PRR14L: variants seen among roughly 807,000 people sequenced by gnomAD.
PRR14L encodes proline rich 14 like.
PRR14L carries 80 observed loss-of-function variants against 155.0 expected under a neutral mutation model. The ratio of observed to expected loss-of-function variants is 0.52; its 90% confidence interval spans 0.43 to 0.62. PRR14L has a LOEUF of 0.62. Among genes scored for constraint, PRR14L ranks in the 20% least tolerant of loss-of-function variants. The pLI, the probability that PRR14L is intolerant of heterozygous loss-of-function variation, is 0.00. For synonymous variants in PRR14L, 883 were observed against 916.0 expected, an observed-to-expected ratio of 0.96 and a Z score of 0.65; for missense variants, 2,469 against 2,548.0, an observed-to-expected ratio of 0.97 and a Z score of 0.67.
intron 4 of PRR14L, among the ~76,000 whole-genome samples, chr22:31,706,529 A>G (rs2074593215): frequency 1.3e-5 from 2 of 150,022 alleles, no homozygotes; most frequent in Admixed American, 1.4e-4. Context: ...GGTTCAAGGA[A>G]TTCTCCTGCC....
chr22:31,743,674 C>T (rs1163267912), intron 1 of PRR14L, among the ~76,000 whole-genome samples: 2 of 151,654 alleles, frequency 1.3e-5, no homozygotes, highest in African/African-American at 4.8e-5. Flanking sequence ...TGTTGGCGAA[C>T]GCCTGTAATC....
chr22:31,717,926 ATT>A (rs531724278), intron 3 of PRR14L, among the ~76,000 whole-genome samples: 19 of 134,454 alleles, frequency 1.4e-4, no homozygotes, highest in Admixed American at 3.0e-4. Flanking sequence ...CCCCCAGCTA[ATT>A]TTTTTTTTTT....
chr22:31,685,549 T>C lies in PRR14L; in HGVS notation c.6434A>G (p.Gln2145Arg), dbSNP rs1430879628. Residue 2145 changes from glutamine to arginine, a missense_variant, in exon 9 of 9, where the codon CAG becomes CGG. By Grantham distance (43) the Gln-to-Arg change is conservative (BLOSUM62 1). Transcript: ENST00000327423. ...TTCTCAACAGCCTGATGATTGTTCC[T>C]GCTCCTCTTCCTTGGCAAAGAAGGT... ...LETFFAKEEE[Q>R]EQSSGC 6.4e-7 allele frequency: 1 copy of C among 1,551,600 alleles called. No homozygotes were observed. The highest frequency in any genetic ancestry group is 2.4e-5 in the East Asian group (1 of 40,908).
intron 1 of PRR14L, among the ~76,000 whole-genome samples, chr22:31,748,086 C>T (rs942868294): frequency 1.3e-5 from 2 of 152,108 alleles, no homozygotes; most frequent in African/African-American, 4.8e-5. Flanking sequence ...GTTAATAACA[C>T]TAGGCGCTGC....
At chr22:31,740,932 A>G (rs2074809573) in intron 1 of PRR14L, among the ~76,000 whole-genome samples, 1 of 151,816 alleles carries the variant, frequency 6.6e-6, no homozygotes. Context: ...ACTTGAGGTC[A>G]GGAGTTCGAG....
In PRR14L at chr22:31,725,479, G is replaced by A. The variant is rs892762200; in HGVS notation, c.547+59C>T. On this transcript the variant is annotated intron_variant, in intron 3 of 8. Transcript: ENST00000327423. ...ATATTCTCAATGCAAAATGGAAGCGGAACTAAAACAGTATTTGCAGTAAGT... is the reference window on the plus strand; with the variant it reads ...ATATTCTCAATGCAAAATGGAAGCGAAACTAAAACAGTATTTGCAGTAAGT... 1.4e-5 allele frequency: 16 copies of A among 1,144,384 alleles called. No individual in the cohort carries two copies. In the African/African-American group the frequency reaches 2.0e-4, roughly 14 times the overall value. The allele number at this position is 1,144,384 out of a possible 1,614,324, so 70.9% of individuals were successfully genotyped here. A position where few individuals can be genotyped will look rare whatever the true frequency, so the allele number is the denominator to read the frequency against.
chr22:31,697,882 C>CTA (rs57299136), intron 7 of PRR14L, among the ~76,000 whole-genome samples: 14,981 of 151,894 alleles, frequency 0.099, 880 homozygotes, highest in African/African-American at 0.16. Context: ...CAAACTGTAA[C>CTA]TATATATATA....
chr22:31,740,717 T>C (rs1463357850), intron 1 of PRR14L, among the ~76,000 whole-genome samples: 3 of 152,158 alleles, frequency 2.0e-5, no homozygotes, highest in Admixed American at 2.0e-4. Flanking sequence ...AAAGATGAAT[T>C]TTAACGAACC....
At chr22:31,729,483 C>T (rs2074736143) in intron 2 of PRR14L, among the ~76,000 whole-genome samples, 1 of 152,182 alleles carries the variant, frequency 6.6e-6, no homozygotes, top group Admixed American at 6.5e-5. Flanking sequence ...TCCCAAAGTG[C>T]TGGGATTACA....
Position 31,715,172 on chromosome 22 carries a change from G to C in PRR14L, c.2667C>G (p.Thr889=). Residue 889 remains threonine (T), a synonymous_variant, in exon 4 of 9, where the codon ACC becomes ACG. Transcript: ENST00000327423. ...GLLNSGISNK[T]IHTSSSIKLS... Reference sequence around the variant, plus strand: ...GTTTGATGCTACTGGAGGTGTGAATGGTTTTGTTTGAAATTCCACTATTTA... The same window carrying C: ...GTTTGATGCTACTGGAGGTGTGAATCGTTTTGTTTGAAATTCCACTATTTA... 6.4e-7 allele frequency: 1 copy of C among 1,551,942 alleles called. No individual in the cohort carries two copies. The highest frequency in any genetic ancestry group is 8.7e-7 in the Non-Finnish European group (1 of 1,146,994).
chr22:31,748,496 AG>A (rs1315142568), intron 1 of PRR14L, among the ~76,000 whole-genome samples: 1 of 152,220 alleles, frequency 6.6e-6, no homozygotes, highest in Admixed American at 6.5e-5. Flanking sequence ...CCTGTATAAA[AG>A]ATTTTCCTCT....
rs1026884851 is a variant in PRR14L at position 31,682,750 on chromosome 22, C to G, written c.*2777G>C. 2 of 152,076 alleles carry G rather than the reference C, an allele frequency of 1.3e-5. No homozygotes were observed. Among genetic ancestry groups the G allele is most frequent in the Non-Finnish European group, 2.9e-5 (2 of 68,010 alleles). 9.4% of individuals were successfully genotyped at this position (152,076 alleles called of 1,614,324 possible). A position where few individuals can be genotyped will look rare whatever the true frequency, so the allele number is the denominator to read the frequency against. On this transcript the variant is annotated 3_prime_UTR_variant, in exon 9 of 9. Coordinates refer to ENST00000327423, the MANE Select transcript of PRR14L (RefSeq NM_173566.3). ...AGCTGTAGTTAACTGTAACTTCCCACCACTTGGGGAGGGAAGTTCCCATAC... is the reference window on the plus strand; with the variant it reads ...AGCTGTAGTTAACTGTAACTTCCCAGCACTTGGGGAGGGAAGTTCCCATAC...
At chr22:31,718,236 T>C (rs2074670799) in intron 3 of PRR14L, among the ~76,000 whole-genome samples, 1 of 148,606 alleles carries the variant, frequency 6.7e-6, no homozygotes, top group Non-Finnish European at 1.5e-5. Context: ...CCCGCCCAGC[T>C]AATTTTTTGG....
At position 31,717,387 on chromosome 22, in the gene PRR14L, C is replaced by T. The variant is rs1173206279; in HGVS notation, c.548-96G>A. 10 of 947,512 alleles carry T rather than the reference C, an allele frequency of 1.1e-5. No individual in the cohort carries two copies. The East Asian group carries it at 2.4e-4, about 23-fold the overall frequency. 58.7% of individuals were successfully genotyped at this position (947,512 alleles called of 1,614,324 possible). A position where few individuals can be genotyped will look rare whatever the true frequency, so the allele number is the denominator to read the frequency against. ...TATTATGCTATGCTACCAAGGGCAA[C>T]AGAAGACCCAACTCAAAAAGAAAAC... is the stretch of plus-strand genomic sequence containing the variant. On this transcript the variant is annotated intron_variant, in intron 3 of 8. Coordinates refer to ENST00000327423, the MANE Select transcript of PRR14L (RefSeq NM_173566.3).
In PRR14L at chr22:31,712,337, G is replaced by C; in HGVS notation, c.5502C>G (p.Ile1834Met). 2 of 1,614,102 alleles carry C rather than the reference G, an allele frequency of 1.2e-6. No homozygotes were observed. The highest frequency in any genetic ancestry group is 1.7e-6 in the Non-Finnish European group (2 of 1,179,988). Residue 1834 changes from isoleucine to methionine, a missense_variant, in exon 4 of 9, where the codon ATC becomes ATG. Physicochemically the swap from Ile to Met is conservative, Grantham distance 10. Coordinates refer to ENST00000327423, the MANE Select transcript of PRR14L (RefSeq NM_173566.3). ...LALCSPGCYR[I>M]WTKKRSFSSH... is the part of the protein sequence containing the mutation. Reference sequence around the variant, plus strand: ...TGGAGAAGCTCCGTTTTTTTGTCCAGATTCGGTAACATCCTGGGGAACAAA... The same window carrying C: ...TGGAGAAGCTCCGTTTTTTTGTCCACATTCGGTAACATCCTGGGGAACAAA...
intron 7 of PRR14L, among the ~76,000 whole-genome samples, chr22:31,690,024 C>A (rs1462328517): frequency 6.6e-6 from 1 of 152,130 alleles, no homozygotes. Flanking sequence ...TCAAGCGATT[C>A]TCCTGCCTCA....
At position 31,703,688 on chromosome 22, in the gene PRR14L, C is replaced by A; in HGVS notation, c.5862G>T (p.Lys1954Asn). ...LEPPFPALVPKSCLVAESAVS... is the reference protein window; with the variant it reads ...LEPPFPALVPNSCLVAESAVS... ...CAGCTGATTCTGCTACCAAGCAAGACTTTGGTACCAAGGCAGGGAATGGAG... is the reference window on the plus strand; with the variant it reads ...CAGCTGATTCTGCTACCAAGCAAGAATTTGGTACCAAGGCAGGGAATGGAG... Residue 1954 changes from lysine to asparagine, a missense_variant, in exon 6 of 9, where the codon AAG (lysine) becomes AAT (asparagine). Physicochemically the swap from Lys to Asn is moderately conservative, Grantham distance 94. This residue lies in a region of PRR14L where 2,363 missense variants were observed against 2,371.6 expected (regional missense o/e 1.00). Transcript: ENST00000327423. 1 of 1,604,718 alleles carries A rather than the reference C, an allele frequency of 6.2e-7. No homozygotes were observed. The highest frequency in any genetic ancestry group is 8.5e-7 in the Non-Finnish European group (1 of 1,174,870).
At chr22:31,746,341 A>G (rs1210678534) in intron 1 of PRR14L, among the ~76,000 whole-genome samples, 5 of 152,244 alleles carry the variant, frequency 3.3e-5, no homozygotes, top group African/African-American at 4.8e-5. Flanking sequence ...ATTTTTTATC[A>G]GTATGTTTTA....
intron 2 of PRR14L, among the ~76,000 whole-genome samples, chr22:31,730,025 T>C (rs552975945): frequency 6.6e-6 from 1 of 151,676 alleles, no homozygotes; most frequent in South Asian, 2.1e-4. Context: ...TGCATGTCTG[T>C]AGTCCCAGCT....
Sources: gnomAD v4.1 joint callset for allele counts (sites outside exome capture counted in the v4.1 genomes callset) on GRCh38, gnomAD v4.1.1 for gene constraint, gnomAD v4.1.1 regional missense constraint, MANE v1.5 for transcripts, NCBI Gene and HGNC (gene_info 2026-07-23, HGNC 2026-07-21) for gene names.